NALF1: variants seen among roughly 807,000 people sequenced by gnomAD.
The protein encoded by NALF1 is NALCN channel auxiliary factor 1, also known as family with sequence similarity 155 member A.
A neutral mutation model predicts 48.4 loss-of-function variants in NALF1; 3 were observed. That is an observed-to-expected ratio of 0.06 (90% CI 0.03 to 0.16). The LOEUF is 0.16. NALF1 is among the 10% of genes least tolerant of loss of function. The pLI is 1.00. For synonymous variants in NALF1, 262 were observed against 245.7 expected, an observed-to-expected ratio of 1.07 and a Z score of -0.62; for missense variants, 526 against 571.5, an observed-to-expected ratio of 0.92 and a Z score of 0.81.
chr13:107,367,241 A>C lies in NALF1; in HGVS notation c.916-156486T>G, dbSNP rs1033358232. 3.3e-5 allele frequency among the ~76,000 whole-genome samples: 5 copies of C among 152,208 alleles called. No individual in the cohort carries two copies. The East Asian group carries it at 9.6e-4, about 29-fold the overall frequency. On this transcript the variant is annotated intron_variant, in intron 1 of 2. Coordinates refer to ENST00000375915, the MANE Select transcript of NALF1 (RefSeq NM_001080396.3). Reference sequence around the variant, plus strand: ...CTTCATAAAACACAATTCAAGCATTAATTATCATGATAAAAGACTGGGTTG... The same window carrying C: ...CTTCATAAAACACAATTCAAGCATTCATTATCATGATAAAAGACTGGGTTG...
chr13:107,710,966 CGAT>C (rs909637414), intron 1 of NALF1, among the ~76,000 whole-genome samples: 22 of 151,784 alleles, frequency 1.4e-4, no homozygotes, highest in Non-Finnish European at 2.9e-4. Context: ...AGTTATGTAT[CGAT>C]GAGTCTTATT....
chr13:107,262,593 A>T (rs2138855465), intron 1 of NALF1, among the ~76,000 whole-genome samples: 1 of 152,356 alleles, frequency 6.6e-6, no homozygotes, highest in South Asian at 2.1e-4. Context: ...CATTTCCCTC[A>T]GAAAACATGA....
At chr13:107,710,867 G>GTA in intron 1 of NALF1, among the ~76,000 whole-genome samples, 1 of 148,964 alleles carries the variant, frequency 6.7e-6, no homozygotes, top group Middle Eastern at 3.6e-3. Context: ...ATGTGTATAT[G>GTA]TATATATACA....
At chr13:107,708,797 T>G (rs1243065940) in intron 1 of NALF1, among the ~76,000 whole-genome samples, 1 of 152,172 alleles carries the variant, frequency 6.6e-6, no homozygotes, top group Non-Finnish European at 1.5e-5. Flanking sequence ...GGTAAACGTG[T>G]GCCATGGTGG....
At chr13:107,186,434 C>A (rs557021268) in intron 2 of NALF1, among the ~76,000 whole-genome samples, 14 of 152,262 alleles carry the variant, frequency 9.2e-5, no homozygotes, top group African/African-American at 3.1e-4. Context: ...GTGGCATGAT[C>A]GCGGCTCACG....
intron 1 of NALF1, among the ~76,000 whole-genome samples, chr13:107,223,283 T>C (rs755615581): frequency 1.4e-4 from 21 of 152,050 alleles, no homozygotes; most frequent in South Asian, 2.1e-4. Context: ...TACACACACA[T>C]ATATATAAGA....
chr13:107,715,930 A>G (rs145641592), intron 1 of NALF1, among the ~76,000 whole-genome samples: 15 of 152,282 alleles, frequency 9.9e-5, no homozygotes, highest in African/African-American at 3.6e-4. Flanking sequence ...GTCACTCCAG[A>G]GAGAGAGGAG....
intron 1 of NALF1, among the ~76,000 whole-genome samples, chr13:107,258,192 A>G (rs1880859186): frequency 6.6e-6 from 1 of 152,204 alleles, no homozygotes; most frequent in African/African-American, 2.4e-5. Context: ...ATACATCTCC[A>G]TGTATCTGAT....
At chr13:107,835,797 T>C (rs1879871948) in intron 1 of NALF1, among the ~76,000 whole-genome samples, 1 of 152,124 alleles carries the variant, frequency 6.6e-6, no homozygotes, top group Non-Finnish European at 1.5e-5. Flanking sequence ...TTCGCATTCT[T>C]ATTTTACTCA....
At chr13:107,392,215 A>G (rs1318923090) in intron 1 of NALF1, among the ~76,000 whole-genome samples, 1 of 151,976 alleles carries the variant, frequency 6.6e-6, no homozygotes, top group East Asian at 1.9e-4. Flanking sequence ...TCTTTCTTTC[A>G]TGGGGTGCTT....
chr13:107,749,127 ATTGT>A (rs1876862367), intron 1 of NALF1, among the ~76,000 whole-genome samples: 1 of 64,888 alleles, frequency 1.5e-5, no homozygotes, highest in African/African-American at 6.5e-5. Context: ...AATGTCTATA[ATTGT>A]GTGTGTGTGT....
At chr13:107,632,285 T>C (rs979912136) in intron 1 of NALF1, among the ~76,000 whole-genome samples, 1 of 152,162 alleles carries the variant, frequency 6.6e-6, no homozygotes, top group African/African-American at 2.4e-5. Flanking sequence ...GACTGATTCA[T>C]CTCTGCCTTT....
intron 1 of NALF1, among the ~76,000 whole-genome samples, chr13:107,488,770 C>G (rs1028632908): frequency 1.7e-4 from 26 of 152,108 alleles, no homozygotes; most frequent in African/African-American, 6.3e-4. Flanking sequence ...GAAGTTCTGG[C>G]CAGGGCAATC....
At chr13:107,252,515 G>A (rs1338106437) in intron 1 of NALF1, among the ~76,000 whole-genome samples, 2 of 152,072 alleles carry the variant, frequency 1.3e-5, no homozygotes, top group East Asian at 3.9e-4. Flanking sequence ...AGGGGAAAAA[G>A]AAAGAAGGAG....
At chr13:107,347,667 A>C (rs754659726) in intron 1 of NALF1, among the ~76,000 whole-genome samples, 6 of 152,212 alleles carry the variant, frequency 3.9e-5, no homozygotes, top group African/African-American at 1.4e-4. Context: ...TTAATAATGC[A>C]TTACGCAAAA....
chr13:107,841,955 A>G (rs1429252043), intron 1 of NALF1, among the ~76,000 whole-genome samples: 1 of 152,064 alleles, frequency 6.6e-6, no homozygotes, highest in African/African-American at 2.4e-5. Flanking sequence ...ATTAATGAGT[A>G]GCCACATATT....
intron 1 of NALF1, among the ~76,000 whole-genome samples, chr13:107,490,157 AG>A (rs1430883952): frequency 2.0e-5 from 3 of 152,202 alleles, no homozygotes; most frequent in African/African-American, 7.2e-5. Context: ...CCATTGTAGA[AG>A]ACAATATGGT....
At chr13:107,554,360 T>C (rs1877391106) in intron 1 of NALF1, among the ~76,000 whole-genome samples, 1 of 152,178 alleles carries the variant, frequency 6.6e-6, no homozygotes, top group Admixed American at 6.5e-5. Context: ...AATACTCCTT[T>C]AGTGAGAGAG....
At chr13:107,364,292 A>G (rs1883114429) in intron 1 of NALF1, among the ~76,000 whole-genome samples, 1 of 152,240 alleles carries the variant, frequency 6.6e-6, no homozygotes, top group African/African-American at 2.4e-5. Context: ...GAACAACAAG[A>G]TGGAAATTAC....
Sources: gnomAD v4.1 joint callset for allele counts (sites outside exome capture counted in the v4.1 genomes callset) on GRCh38, gnomAD v4.1.1 for gene constraint, MANE v1.5 for transcripts, NCBI Gene and HGNC (gene_info 2026-07-23, HGNC 2026-07-21) for gene names.